Variants in ANXA8 observed in about 807,000 individuals in gnomAD.
ANXA8 encodes the protein annexin A8, also known as VAC-beta.
A neutral mutation model predicts 26.8 loss-of-function variants in ANXA8; 9 were observed. The observed-to-expected ratio is 0.34, with a 90% CI of 0.20 to 0.59. The LOEUF (loss-of-function observed/expected upper bound fraction) is 0.59, where lower values mean the gene tolerates loss of function less well. Ranked by LOEUF, ANXA8 falls within the 20% of genes least tolerant of loss-of-function variation. The pLI, the probability that ANXA8 is intolerant of heterozygous loss-of-function variation, is 0.84. For missense variants in ANXA8, 83 were observed against 238.5 expected (o/e 0.35, Z 4.29); for synonymous variants, 39 against 94.8 (o/e 0.41, Z 3.42).
chr10:47,620,920 T>C, the ANXA8 span, among the ~76,000 whole-genome samples: 1 of 111,118 alleles, frequency 9.0e-6, no homozygotes, highest in East Asian at 2.2e-4. Flanking sequence ...CAGGTAAAAT[T>C]ATGCTAAATA....
the ANXA8 span, chr10:47,502,972 C>A: frequency 1.3e-6 from 2 of 1,563,720 alleles, no homozygotes; most frequent in East Asian, 4.9e-5. Context: ...GAGCTTGGGG[C>A]TGGTGGTGCT....
the ANXA8 span, among the ~76,000 whole-genome samples, chr10:47,579,833 G>C: frequency 1.5e-5 from 2 of 133,316 alleles, no homozygotes; most frequent in East Asian, 2.1e-4. Context: ...AACATTTTAT[G>C]TTCGTAAGAG....
At chr10:47,720,760 T>C in the ANXA8 span, among the ~76,000 whole-genome samples, 5 of 140,012 alleles carry the variant, frequency 3.6e-5, no homozygotes, top group Non-Finnish European at 7.7e-5. Context: ...GTAAACCTTA[T>C]TTCTCTTTAC....
chr10:47,695,091 C>CT, the ANXA8 span, among the ~76,000 whole-genome samples: 1 of 150,860 alleles, frequency 6.6e-6, no homozygotes, highest in African/African-American at 2.4e-5. Flanking sequence ...TTGTCTGTTC[C>CT]TTTTTTCTGA....
At chr10:47,573,843 T>G in the ANXA8 span, among the ~76,000 whole-genome samples, 1 of 148,986 alleles carries the variant, frequency 6.7e-6, no homozygotes, top group Middle Eastern at 3.2e-3. Flanking sequence ...GAGTTACAGA[T>G]TAGGTGGGAG....
chr10:47,655,921 G>A, the ANXA8 span, among the ~76,000 whole-genome samples: 1 of 151,996 alleles, frequency 6.6e-6, no homozygotes, highest in Non-Finnish European at 1.5e-5. Flanking sequence ...TCGGGAGGCT[G>A]AGGCAGGAGA....
chr10:47,958,285 C>G, the ANXA8 span, among the ~76,000 whole-genome samples: 2 of 149,030 alleles, frequency 1.3e-5, 1 homozygote, highest in African/African-American at 5.1e-5. Flanking sequence ...TTGAGACAAG[C>G]CTGGGCAACA....
At chr10:47,741,866 G>A in the ANXA8 span, among the ~76,000 whole-genome samples, 4 of 119,520 alleles carry the variant, frequency 3.3e-5, no homozygotes, top group East Asian at 9.9e-4. Flanking sequence ...TTGAGACAGA[G>A]TTTTGCTCTT....
the ANXA8 span, chr10:47,985,552 TTACA>T: frequency 5.3e-4 from 57 of 107,380 alleles, no homozygotes; most frequent in Middle Eastern, 0.013. Flanking sequence ...GGCAGGTAAT[TTACA>T]TACAAAGAAA....
At chr10:47,654,007 G>T in the ANXA8 span, among the ~76,000 whole-genome samples, 1 of 151,586 alleles carries the variant, frequency 6.6e-6, no homozygotes, top group African/African-American at 2.4e-5. Flanking sequence ...ATGGGAAATA[G>T]AGTAGGGTCC....
Position 47,482,158 on chromosome 10 carries a change from T to TG in ANXA8, c.21+1754dup, listed in dbSNP as rs1384336803. On this transcript the variant is annotated intron_variant, in intron 1 of 11. Coordinates refer to ENST00000585281, the MANE Select transcript of ANXA8 (RefSeq NM_001040084.3). ...GCCCAGCTTTGTGCCTAGAGGACAC[T>TG]GGGTCTTCGCTAGCAGCTCAGCTGT... 5.2e-4 allele frequency among the ~76,000 whole-genome samples: 71 copies of TG among 135,874 alleles called. 8 individuals carry two copies. The highest frequency in any genetic ancestry group is 8.2e-4 in the Non-Finnish European group (53 of 64,350). The allele number at this position is 135,874 out of a possible 152,430, so 89.1% of individuals were successfully genotyped here.
chr10:47,645,231 CT>C, the ANXA8 span, among the ~76,000 whole-genome samples: 7 of 147,942 alleles, frequency 4.7e-5, no homozygotes, highest in South Asian at 2.1e-4. Flanking sequence ...CACATCTGAG[CT>C]TATGAAAGCC....
At chr10:47,535,443 A>C in the ANXA8 span, among the ~76,000 whole-genome samples, 1 of 131,190 alleles carries the variant, frequency 7.6e-6, no homozygotes, top group Non-Finnish European at 1.5e-5. Flanking sequence ...GTGAATTTTA[A>C]ATCCATATAC....
At chr10:47,916,403 C>G in the ANXA8 span, among the ~76,000 whole-genome samples, 11 of 125,688 alleles carry the variant, frequency 8.8e-5, 1 homozygote, top group African/African-American at 2.4e-4. Flanking sequence ...GGTCTGGCAG[C>G]CAACTCTGGG....
chr10:47,541,270 GT>G, the ANXA8 span, among the ~76,000 whole-genome samples: 1 of 119,138 alleles, frequency 8.4e-6, no homozygotes, highest in Non-Finnish European at 1.7e-5. Context: ...CAAGGCTGCA[GT>G]GAGCCAAGAT....
At chr10:47,718,073 A>T in the ANXA8 span, among the ~76,000 whole-genome samples, 1 of 151,644 alleles carries the variant, frequency 6.6e-6, no homozygotes, top group East Asian at 1.9e-4. Flanking sequence ...ACTGTTGGGT[A>T]CTCTGCCTAC....
chr10:47,536,746 AG>A, the ANXA8 span, among the ~76,000 whole-genome samples: 3 of 126,300 alleles, frequency 2.4e-5, 1 homozygote, highest in South Asian at 7.0e-4. Context: ...ACTTGAGCCC[AG>A]GAGTTTAAGA....
At chr10:47,958,515 T>C in the ANXA8 span, among the ~76,000 whole-genome samples, 1 of 147,184 alleles carries the variant, frequency 6.8e-6, no homozygotes, top group Non-Finnish European at 1.5e-5. Flanking sequence ...ACTGGCTCCC[T>C]GGGCCACAGA....
the ANXA8 span, among the ~76,000 whole-genome samples, chr10:47,579,232 G>A: frequency 2.1e-4 from 15 of 71,190 alleles, no homozygotes; most frequent in South Asian, 5.9e-4. Flanking sequence ...CTTGACCTCC[G>A]CAGGCTCAGC....
Sources: allele counts gnomAD v4.1 joint callset (sites outside exome capture counted in the v4.1 genomes callset), GRCh38; gene constraint gnomAD v4.1.1; transcripts MANE v1.5; gene names NCBI Gene and HGNC (gene_info 2026-07-23, HGNC 2026-07-21).